PHTF2: variants seen among roughly 807,000 people sequenced by gnomAD.
PHTF2 encodes protein PHTF2.
PHTF2 carries 60 observed loss-of-function variants against 101.2 expected under a neutral mutation model. The ratio of observed to expected loss-of-function variants is 0.59; its 90% confidence interval spans 0.48 to 0.73. The LOEUF (loss-of-function observed/expected upper bound fraction) is 0.73. PHTF2 is among the 30% of genes least tolerant of loss of function. The pLI, the probability that PHTF2 is intolerant of heterozygous loss-of-function variation, is 0.00. For synonymous variants in PHTF2, 311 were observed against 307.3 expected (o/e 1.01, Z -0.13); for missense variants, 747 against 908.7 (o/e 0.82, Z 2.29).
chr7:77,954,189 A>G (rs1806783009), intron 19 of PHTF2, among the ~76,000 whole-genome samples: 1 of 152,034 alleles, frequency 6.6e-6, no homozygotes, highest in Admixed American at 6.5e-5. Context: ...GCTGGTGTGC[A>G]GTTGCGCGAC....
chr7:77,951,660 A>G (rs751488431), exon 18 of PHTF2: 3 of 1,486,630 alleles, frequency 2.0e-6, no homozygotes, highest in Non-Finnish European at 2.7e-6. Flanking sequence ...AACAAAAAGG[A>G]GGAACTGACA....
At chr7:77,854,159 CA>C (rs752075536) in intron 2 of PHTF2, among the ~76,000 whole-genome samples, 61 of 152,290 alleles carry the variant, frequency 4.0e-4, no homozygotes, top group Admixed American at 2.2e-3. Flanking sequence ...ATGTCTGCAT[CA>C]GGGGGCAACC....
In PHTF2 at chr7:77,900,707, A is replaced by C. The variant is rs1473997240; in HGVS notation, c.217-4A>C. The C allele has an allele frequency of 2.7e-6, 4 of 1,460,858 alleles. No individual in the cohort carries two copies. The highest frequency in any genetic ancestry group is 3.8e-6 in the Non-Finnish European group (4 of 1,040,848). 90.5% of individuals were successfully genotyped at this position (1,460,858 alleles called of 1,614,324 possible). ...ATTCCAATGCTTCTTTTGATATATT[A>C]TAGGGGCTAAGGAATAAACCAAAGA... On this transcript the variant is annotated splice_region_variant and splice_polypyrimidine_tract_variant and intron_variant, in intron 5 of 19. Transcript: ENST00000416283.
intron 1 of PHTF2, among the ~76,000 whole-genome samples, chr7:77,829,301 T>A (rs1794910415): frequency 6.6e-6 from 1 of 152,236 alleles, no homozygotes; most frequent in African/African-American, 2.4e-5. Flanking sequence ...TTAGATTATG[T>A]ATCATCTTCT....
intron 10 of PHTF2, among the ~76,000 whole-genome samples, chr7:77,921,145 A>G (rs1803424015): frequency 6.6e-6 from 1 of 152,252 alleles, no homozygotes. Flanking sequence ...GTTCTCTATA[A>G]GAAGATATCT....
chr7:77,900,669 A>T, intron 5 of PHTF2, 42 bp from the exon 5 acceptor site: 1 of 941,886 alleles, frequency 1.1e-6, no homozygotes, highest in South Asian at 1.3e-5. Context: ...TTCTAGATTT[A>T]AGTATATATA....
At chr7:77,828,899 C>T (rs1358516705) in intron 1 of PHTF2, among the ~76,000 whole-genome samples, 4 of 151,976 alleles carry the variant, frequency 2.6e-5, no homozygotes, top group Admixed American at 6.6e-5. Flanking sequence ...CTAGGCTGGT[C>T]GTGGTGACTC....
At chr7:77,842,774 TTGAC>T (rs1795990904) in intron 2 of PHTF2, among the ~76,000 whole-genome samples, 3 of 152,208 alleles carry the variant, frequency 2.0e-5, no homozygotes, top group Non-Finnish European at 4.4e-5. Context: ...TAGGATTGGA[TTGAC>T]TGACTTTTTC....
intron 3 of PHTF2, among the ~76,000 whole-genome samples, chr7:77,891,329 T>G (rs1043253167): frequency 6.6e-6 from 1 of 152,208 alleles, no homozygotes; most frequent in African/African-American, 2.4e-5. Flanking sequence ...TTCCCATACT[T>G]ACCTTTTCTG....
intron 3 of PHTF2, among the ~76,000 whole-genome samples, chr7:77,875,749 G>A (rs949315415): frequency 6.6e-6 from 1 of 151,886 alleles, no homozygotes; most frequent in African/African-American, 2.4e-5. Flanking sequence ...AGTAGAGACG[G>A]GGTTTCAGTG....
chr7:77,900,989 G>A (rs190482647), intron 6 of PHTF2, among the ~76,000 whole-genome samples: 71 of 152,338 alleles, frequency 4.7e-4, no homozygotes, highest in Admixed American at 1.9e-3. Context: ...TTCTGGGGTA[G>A]GAAGCTTTAC....
At chr7:77,825,669 A>G (rs1221464427) in intron 1 of PHTF2, among the ~76,000 whole-genome samples, 1 of 152,228 alleles carries the variant, frequency 6.6e-6, no homozygotes, top group African/African-American at 2.4e-5. Flanking sequence ...TCTCAAACTG[A>G]AGTTTGTGTG....
At chr7:77,905,553 C>T (rs188383599) in intron 7 of PHTF2, among the ~76,000 whole-genome samples, 185 of 152,216 alleles carry the variant, frequency 1.2e-3, no homozygotes, top group African/African-American at 4.3e-3. Flanking sequence ...GGCTGGAGTG[C>T]GGTGGTGCAG....
chr7:77,831,449 T>C (rs542368997), intron 1 of PHTF2, among the ~76,000 whole-genome samples: 1 of 152,344 alleles, frequency 6.6e-6, no homozygotes, highest in South Asian at 2.1e-4. Flanking sequence ...ACATGTTCTT[T>C]TTTCAGCTAG....
At position 77,930,864 on chromosome 7, in the gene PHTF2, T is replaced by C. The variant is rs1474694308; in HGVS notation, c.1338+1537T>C. Among the ~76,000 whole-genome samples, 6 of 152,104 alleles carry C rather than the reference T, an allele frequency of 3.9e-5. No individual in the cohort carries two copies. The South Asian group carries it at 1.2e-3, about 31-fold the overall frequency. ...AAAGTCCATATTAAAGAGCAAAATA[T>C]CAAGAATAGCAAAAACAATTTTGAA... On this transcript the variant is annotated intron_variant, in intron 12 of 19. Coordinates refer to ENST00000416283, the Ensembl canonical transcript of PHTF2.
intron 9 of PHTF2, among the ~76,000 whole-genome samples, chr7:77,914,930 G>A (rs1467131733): frequency 6.6e-6 from 1 of 152,034 alleles, no homozygotes; most frequent in African/African-American, 2.4e-5. Context: ...TTTTGGGGTG[G>A]AGGATGGAGT....
At chr7:77,952,519 G>C (rs1806641424) in intron 18 of PHTF2, among the ~76,000 whole-genome samples, 1 of 152,106 alleles carries the variant, frequency 6.6e-6, no homozygotes, top group Non-Finnish European at 1.5e-5. Context: ...ATTATCCTGA[G>C]GAAGATGATG....
chr7:77,903,815 G>T (rs1332524604), intron 7 of PHTF2, among the ~76,000 whole-genome samples: 1 of 152,196 alleles, frequency 6.6e-6, no homozygotes, highest in African/African-American at 2.4e-5. Context: ...GCAGCACCCT[G>T]TGGAAAAGCA....
At chr7:77,954,610 G>GTATATATATATATATA (rs1295236333) in intron 19 of PHTF2, among the ~76,000 whole-genome samples, 2 of 82,530 alleles carry the variant, frequency 2.4e-5, no homozygotes, top group Admixed American at 1.2e-4. Context: ...AACAAGTACT[G>GTATATATATATATATA]TGTATATATA....
Sources: allele counts gnomAD v4.1 joint callset (sites outside exome capture counted in the v4.1 genomes callset), GRCh38; gene constraint gnomAD v4.1.1; transcripts MANE v1.5; gene names NCBI Gene and HGNC (gene_info 2026-07-23, HGNC 2026-07-21).